Variants in SPMIP10 observed in about 807,000 individuals in gnomAD.
The protein encoded by SPMIP10 is sperm-associated microtubule inner protein 10.
the SPMIP10 span, chr5:126,632,463 C>T: frequency 1.3e-6 from 1 of 788,056 alleles, no homozygotes; most frequent in Non-Finnish European, 2.2e-6. Flanking sequence ...AACATGAATG[C>T]ACAACTGCCT....
the SPMIP10 span, chr5:126,631,858 T>C: frequency 7.4e-7 from 1 of 1,349,356 alleles, no homozygotes; most frequent in Non-Finnish European, 1.1e-6. Flanking sequence ...TTTGTTTGCT[T>C]GTTTTGCAAC....
the SPMIP10 span, among the ~76,000 whole-genome samples, chr5:126,635,565 T>C: frequency 6.6e-6 from 1 of 152,212 alleles, no homozygotes; most frequent in Non-Finnish European, 1.5e-5. Context: ...CATGACTCTT[T>C]CTGGTAGTCA....
the SPMIP10 span, among the ~76,000 whole-genome samples, chr5:126,635,009 A>T: frequency 6.8e-6 from 1 of 146,952 alleles, no homozygotes; most frequent in African/African-American, 2.5e-5. Flanking sequence ...CCTGTCTATT[A>T]AAAAAAAAAA....
the SPMIP10 span, chr5:126,631,859 G>A: frequency 2.2e-6 from 3 of 1,334,504 alleles, no homozygotes; most frequent in Admixed American, 3.5e-5. Flanking sequence ...TTGTTTGCTT[G>A]TTTTGCAACC....
At chr5:126,632,258 T>TA in the SPMIP10 span, among the ~76,000 whole-genome samples, 2,706 of 57,118 alleles carry the variant, frequency 0.047, 317 homozygotes, top group East Asian at 0.13. Context: ...TCCATCTCAT[T>TA]AAAAAAAAAA....
chr5:126,631,914 G>T, the SPMIP10 span: 1 of 773,878 alleles, frequency 1.3e-6, no homozygotes, highest in Non-Finnish European at 2.2e-6. Flanking sequence ...TTCCCCTTTG[G>T]CATCTATACA....
At chr5:126,632,453 A>G in the SPMIP10 span, 33 of 740,256 alleles carry the variant, frequency 4.5e-5, no homozygotes, top group Non-Finnish European at 5.3e-5. Flanking sequence ...CAGGGGACCA[A>G]ACATGAATGC....
At chr5:126,631,718 ATCCATTGCTGTCAGGAATGGC>A in the SPMIP10 span, 1 of 1,534,082 alleles carries the variant, frequency 6.5e-7, no homozygotes, top group South Asian at 1.1e-5. Context: ...TGAGTATTCC[ATCCATTGCTGTCAGGAATGGC>A]TTCAGGGAAA....
At chr5:126,633,685 G>A in the SPMIP10 span, among the ~76,000 whole-genome samples, 1 of 152,090 alleles carries the variant, frequency 6.6e-6, no homozygotes, top group Non-Finnish European at 1.5e-5. Context: ...TTTAGAGACA[G>A]GATCTCACTC....
chr5:126,634,796 G>A, the SPMIP10 span, among the ~76,000 whole-genome samples: 1 of 152,132 alleles, frequency 6.6e-6, no homozygotes, highest in Non-Finnish European at 1.5e-5. Context: ...GCTAGTAAAT[G>A]CTAACTTATG....
the SPMIP10 span, chr5:126,632,586 G>C: frequency 6.2e-7 from 1 of 1,612,230 alleles, no homozygotes; most frequent in Non-Finnish European, 8.5e-7. Context: ...ATTAAAGCAA[G>C]GGATGATCCC....
the SPMIP10 span, among the ~76,000 whole-genome samples, chr5:126,633,724 A>G: frequency 6.6e-6 from 1 of 152,270 alleles, no homozygotes; most frequent in South Asian, 2.1e-4. Context: ...GCAATGATGC[A>G]ATCATGGCTC....
chr5:126,635,829 A>AT, the SPMIP10 span, among the ~76,000 whole-genome samples: 1 of 147,068 alleles, frequency 6.8e-6, no homozygotes, highest in African/African-American at 2.6e-5. Flanking sequence ...CACCCACCTA[A>AT]TTTTTTATTT....
At chr5:126,635,112 G>A in the SPMIP10 span, among the ~76,000 whole-genome samples, 2 of 151,162 alleles carry the variant, frequency 1.3e-5, no homozygotes, top group Non-Finnish European at 2.9e-5. Flanking sequence ...AGGCTGCAGT[G>A]AGCTATGATT....
chr5:126,635,591 C>A, the SPMIP10 span, among the ~76,000 whole-genome samples: 1 of 152,170 alleles, frequency 6.6e-6, no homozygotes. Flanking sequence ...CACTGACCCA[C>A]AAAGCATTGC....
At chr5:126,632,642 T>C in the SPMIP10 span, 3 of 1,585,718 alleles carry the variant, frequency 1.9e-6, no homozygotes, top group Admixed American at 5.0e-5. Context: ...TATTCAGGAA[T>C]GTGAATCTGA....
At chr5:126,632,600 A>C in the SPMIP10 span, 1 of 1,612,486 alleles carries the variant, frequency 6.2e-7, no homozygotes. Context: ...TGATCCCAAG[A>C]CGTTATGTCA....
the SPMIP10 span, among the ~76,000 whole-genome samples, chr5:126,635,495 G>A: frequency 3.5e-3 from 532 of 152,160 alleles, 3 homozygotes; most frequent in African/African-American, 0.012. Flanking sequence ...AAAAGGTCAC[G>A]TTAAGTAGTG....
chr5:126,631,887 C>A, the SPMIP10 span: 2 of 937,954 alleles, frequency 2.1e-6, no homozygotes, highest in Admixed American at 1.9e-5. Context: ...CACAAAGATA[C>A]GGTCAATAAC....
Sources: gnomAD v4.1 joint callset for allele counts (sites outside exome capture counted in the v4.1 genomes callset) on GRCh38, gnomAD v4.1.1 for gene constraint, MANE v1.5 for transcripts, NCBI Gene and HGNC (gene_info 2026-07-23, HGNC 2026-07-21) for gene names.